Variants in CEP112 observed in about 807,000 individuals in gnomAD.
CEP112 encodes the protein centrosomal protein of 112 kDa.
In CEP112, 127 loss-of-function variants were observed where a neutral mutation model predicts 153.0. That is an observed-to-expected ratio of 0.83 (90% CI 0.72 to 0.96). CEP112 has a LOEUF of 0.96. Ranked by LOEUF, CEP112 falls within the 40% of genes least tolerant of loss-of-function variation. The pLI is 0.00. For synonymous variants in CEP112, 358 were observed against 374.4 expected, an observed-to-expected ratio of 0.96 and a Z score of 0.51; for missense variants, 1,089 against 1,101.2, an observed-to-expected ratio of 0.99 and a Z score of 0.16.
chr17:66,022,391 T>C (rs142621734), intron 16 of CEP112, among the ~76,000 whole-genome samples: 5 of 152,106 alleles, frequency 3.3e-5, no homozygotes, highest in African/African-American at 7.2e-5. Flanking sequence ...TAGCAATGGA[T>C]CTTACCAAAA....
intron 20 of CEP112, among the ~76,000 whole-genome samples, chr17:65,879,108 A>G (rs1185303798): frequency 6.6e-6 from 1 of 152,214 alleles, no homozygotes; most frequent in Non-Finnish European, 1.5e-5. Flanking sequence ...GTTACCTTAT[A>G]TGTGAAAAGG....
intron 24 of CEP112, among the ~76,000 whole-genome samples, chr17:65,657,771 T>G (rs2046133807): frequency 6.6e-6 from 1 of 152,236 alleles, no homozygotes; most frequent in African/African-American, 2.4e-5. Context: ...AGAATAAGGC[T>G]GATACTCAGT....
intron 22 of CEP112, among the ~76,000 whole-genome samples, chr17:65,747,062 T>TA (rs561125360): frequency 0.14 from 21,194 of 146,450 alleles, 1,732 homozygotes; most frequent in Non-Finnish European, 0.19. Context: ...TTAGTGGTCT[T>TA]AAAAAAAAAA....
At chr17:66,045,264 C>T (rs559052668) in intron 12 of CEP112, among the ~76,000 whole-genome samples, 47 of 152,034 alleles carry the variant, frequency 3.1e-4, no homozygotes, top group African/African-American at 1.0e-3. Context: ...GAGATGGGGT[C>T]TTGCTGTGTT....
intron 17 of CEP112, among the ~76,000 whole-genome samples, chr17:65,980,493 G>GC (rs1181667407): frequency 6.6e-6 from 1 of 152,112 alleles, no homozygotes; most frequent in Middle Eastern, 3.2e-3. Context: ...CTAACCTCAT[G>GC]CTTGGACATT....
intron 21 of CEP112, among the ~76,000 whole-genome samples, chr17:65,834,739 C>T (rs2057231899): frequency 6.6e-6 from 1 of 152,172 alleles, no homozygotes; most frequent in African/African-American, 2.4e-5. Context: ...CACTTATACA[C>T]TGTCTGTGGG....
intron 17 of CEP112, among the ~76,000 whole-genome samples, chr17:65,996,129 CGTGTGTGTGTGTGT>C (rs3055983): frequency 5.5e-5 from 8 of 145,684 alleles, no homozygotes; most frequent in African/African-American, 1.0e-4. Flanking sequence ...GAAAAATATA[CGTGTGTGTGTGTGT>C]GTGTGTGTGT....
intron 20 of CEP112, among the ~76,000 whole-genome samples, chr17:65,878,759 G>A (rs2058941120): frequency 1.3e-5 from 2 of 151,886 alleles, no homozygotes; most frequent in Admixed American, 1.3e-4. Context: ...CCAAAAGCCT[G>A]CATACAGAGG....
chr17:65,756,367 T>C (rs887473390), intron 21 of CEP112, among the ~76,000 whole-genome samples: 15 of 135,668 alleles, frequency 1.1e-4, no homozygotes, highest in African/African-American at 3.7e-4. Context: ...GATCGTGCCA[T>C]TGCACTCCAG....
At position 66,106,036 on chromosome 17, in the gene CEP112, G is replaced by A. The variant is rs537809064; in HGVS notation, c.643-9404C>T. On this transcript the variant is annotated intron_variant, in intron 6 of 26. Transcript: ENST00000535342. ...ATACAAACACATGGAAATTAAATAT[G>A]CTCCTGAATGACCCATGGGTCAATA... Among the ~76,000 whole-genome samples the A allele has an allele frequency of 9.9e-5, 15 of 152,100 alleles. No individual in the cohort carries two copies. In the South Asian group the frequency reaches 2.7e-3, roughly 27 times the overall value.
At chr17:65,851,248 A>G (rs959635363) in intron 21 of CEP112, among the ~76,000 whole-genome samples, 1 of 152,234 alleles carries the variant, frequency 6.6e-6, no homozygotes, top group African/African-American at 2.4e-5. Flanking sequence ...AGAATATTTG[A>G]GATTGCACCT....
intron 16 of CEP112, among the ~76,000 whole-genome samples, chr17:66,014,261 C>T (rs929582072): frequency 6.6e-6 from 1 of 152,114 alleles, no homozygotes; most frequent in Non-Finnish European, 1.5e-5. Flanking sequence ...AGCTCTCTGG[C>T]AATCTGGCAC....
intron 4 of CEP112, among the ~76,000 whole-genome samples, chr17:66,166,912 A>AAAAAAAAAC (rs1568568296): frequency 2.0e-5 from 3 of 150,870 alleles, no homozygotes; most frequent in South Asian, 4.2e-4. Flanking sequence ...TCAAAAAAAA[A>AAAAAAAAAC]AAAAAAAAAA....
At chr17:65,960,352 A>G (rs59707640) in intron 18 of CEP112, among the ~76,000 whole-genome samples, 10,044 of 152,284 alleles carry the variant, frequency 0.066, 501 homozygotes, top group African/African-American at 0.12. Context: ...TAATTTTTAA[A>G]AAAACAAAAA....
chr17:66,101,509 C>T (rs2068568807), intron 6 of CEP112, among the ~76,000 whole-genome samples: 1 of 152,058 alleles, frequency 6.6e-6, no homozygotes. Context: ...AGTATTATAA[C>T]ATCTGCAATT....
chr17:65,664,823 T>C (rs540433324), intron 24 of CEP112, among the ~76,000 whole-genome samples: 33 of 152,296 alleles, frequency 2.2e-4, no homozygotes, highest in African/African-American at 7.7e-4. Flanking sequence ...AACAAAACAC[T>C]GTGGATTGGG....
At chr17:65,821,793 C>A (rs1485168493) in intron 21 of CEP112, among the ~76,000 whole-genome samples, 2 of 150,840 alleles carry the variant, frequency 1.3e-5, no homozygotes, top group Non-Finnish European at 3.0e-5. Context: ...TTCAGGTGAT[C>A]CACCCACTTC....
chr17:65,944,735 A>G (rs1297243823), intron 18 of CEP112, among the ~76,000 whole-genome samples: 1 of 152,088 alleles, frequency 6.6e-6, no homozygotes, highest in East Asian at 1.9e-4. Context: ...TACCATAGTT[A>G]CATGCCATTT....
At chr17:65,668,706 TC>T (rs1433837580) in intron 24 of CEP112, among the ~76,000 whole-genome samples, 1 of 152,210 alleles carries the variant, frequency 6.6e-6, no homozygotes, top group African/African-American at 2.4e-5. Flanking sequence ...TCCTTTCTTT[TC>T]CATGTTTGTT....
Sources: gnomAD v4.1 joint callset for allele counts (sites outside exome capture counted in the v4.1 genomes callset) on GRCh38, gnomAD v4.1.1 for gene constraint, MANE v1.5 for transcripts, NCBI Gene and HGNC (gene_info 2026-07-23, HGNC 2026-07-21) for gene names.